The following CHRM3 variants were observed in gnomAD, a reference collection of about 807,000 sequenced individuals.
CHRM3 encodes the protein muscarinic acetylcholine receptor M3.
A neutral mutation model predicts 41.8 loss-of-function variants in CHRM3; 11 were observed. That is an observed-to-expected ratio of 0.26 (90% CI 0.17 to 0.44). The LOEUF (loss-of-function observed/expected upper bound fraction) is 0.44. Among genes scored for constraint, CHRM3 ranks in the 20% least tolerant of loss-of-function variants. The pLI is 1.00. For synonymous variants in CHRM3, 297 were observed against 301.4 expected, an observed-to-expected ratio of 0.99 and a Z score of 0.15; for missense variants, 571 against 745.4, an observed-to-expected ratio of 0.77 and a Z score of 2.72.
intron 5 of CHRM3, among the ~76,000 whole-genome samples, chr1:239,789,728 C>G (rs1461417740): frequency 1.3e-5 from 2 of 152,192 alleles, no homozygotes; most frequent in African/African-American, 4.8e-5. Context: ...GGGGTCCACC[C>G]CTATGACCCA....
chr1:239,628,454 TC>T (rs1383014599), intron 3 of CHRM3, among the ~76,000 whole-genome samples: 1 of 35,874 alleles, frequency 2.8e-5, no homozygotes, highest in Non-Finnish European at 4.3e-5. Flanking sequence ...TTGAATGTCC[TC>T]CCGTAGCTCA....
In CHRM3 at chr1:239,822,831, G is replaced by A. The variant is rs1490923901; in HGVS notation, c.-146-4421G>A. ...TGCCTTTGTGGAGCTTAGGCAATTT[G>A]CAACGTTTGCATCATTACCCAAGTA... On this transcript the variant is annotated intron_variant, in intron 5 of 6. Transcript: ENST00000676153. Among the ~76,000 whole-genome samples the A allele has an allele frequency of 2.6e-5, 4 of 152,166 alleles. No individual in the cohort carries two copies. In the East Asian group the frequency reaches 7.7e-4, roughly 29 times the overall value.
chr1:239,845,017 T>C (rs1243588826), intron 6 of CHRM3, among the ~76,000 whole-genome samples: 1 of 152,194 alleles, frequency 6.6e-6, no homozygotes, highest in Admixed American at 6.5e-5. Context: ...TTCATCTGCC[T>C]TGACAGGACT....
chr1:239,631,849 G>A (rs565695812), intron 3 of CHRM3, among the ~76,000 whole-genome samples: 3 of 152,338 alleles, frequency 2.0e-5, no homozygotes, highest in South Asian at 2.1e-4. Context: ...AATTTGCTAA[G>A]AGAAGAAAGG....
intron 1 of CHRM3, among the ~76,000 whole-genome samples, chr1:239,486,598 C>T (rs1667197606): frequency 6.6e-6 from 1 of 152,160 alleles, no homozygotes; most frequent in South Asian, 2.1e-4. Flanking sequence ...AACTACTCAC[C>T]TCTGTGGTTG....
At chr1:239,419,772 C>A (rs1441177407) in intron 1 of CHRM3, among the ~76,000 whole-genome samples, 1 of 152,210 alleles carries the variant, frequency 6.6e-6, no homozygotes. Flanking sequence ...AAAATACCTT[C>A]AGCCTTTTCC....
chr1:239,529,958 C>T lies in CHRM3; in HGVS notation c.-421-15683C>T, dbSNP rs574966598. On this transcript the variant is annotated intron_variant, in intron 2 of 6. Coordinates refer to ENST00000676153, the MANE Select transcript of CHRM3 (RefSeq NM_001375978.1). ...TGTCGCCCAGGCTGGAGTGCAGTGGCGCGATCTCGGCTCACTGCAAGCTCC... is the reference window on the plus strand; with the variant it reads ...TGTCGCCCAGGCTGGAGTGCAGTGGTGCGATCTCGGCTCACTGCAAGCTCC... 1.7e-4 allele frequency among the ~76,000 whole-genome samples: 26 copies of T among 152,056 alleles called. No homozygotes were observed. In the South Asian group the frequency reaches 3.5e-3, roughly 21 times the overall value.
intron 3 of CHRM3, among the ~76,000 whole-genome samples, chr1:239,565,919 T>C (rs1308916063): frequency 6.7e-6 from 1 of 148,350 alleles, no homozygotes; most frequent in African/African-American, 2.5e-5. Flanking sequence ...TCTTTTTTTT[T>C]TTTTTTTTTT....
intron 1 of CHRM3, among the ~76,000 whole-genome samples, chr1:239,439,798 G>A (rs1203232182): frequency 6.6e-6 from 1 of 152,174 alleles, no homozygotes; most frequent in Non-Finnish European, 1.5e-5. Flanking sequence ...GTAAGGTGGG[G>A]AGCAATAGGT....
At chr1:239,388,550 T>C (rs1658739824) in intron 1 of CHRM3, among the ~76,000 whole-genome samples, 1 of 152,244 alleles carries the variant, frequency 6.6e-6, no homozygotes. Flanking sequence ...ACAATGCCCA[T>C]GTATTTACTT....
chr1:239,451,666 T>C (rs1193885783), intron 1 of CHRM3, among the ~76,000 whole-genome samples: 2 of 152,310 alleles, frequency 1.3e-5, no homozygotes, highest in Middle Eastern at 3.4e-3. Flanking sequence ...TTTAATAAGA[T>C]ATTTTAAATA....
intron 1 of CHRM3, among the ~76,000 whole-genome samples, chr1:239,419,037 C>T (rs188095527): frequency 6.0e-4 from 91 of 152,222 alleles, no homozygotes; most frequent in Non-Finnish European, 1.1e-3. Context: ...TGTGCTGAGA[C>T]GCCCTGGTAG....
chr1:239,911,269 TC>T lies in CHRM3; in HGVS notation c.*2046del, dbSNP rs1680354003. 6.0e-6 allele frequency: 1 copy of T among 166,012 alleles called. No homozygotes were observed. The highest frequency in any genetic ancestry group is 1.5e-5 in the Non-Finnish European group (1 of 67,876). The allele number at this position is 166,012 out of a possible 1,614,324, so 10.3% of individuals were successfully genotyped here. A position where few individuals can be genotyped will look rare whatever the true frequency, so the allele number is the denominator to read the frequency against. ...TTTACACAGGGAAAAAAAAAAACAA[TC>T]AGCATAATTGTAAGAATGATTTTTT... On this transcript the variant is annotated 3_prime_UTR_variant, in exon 7 of 7. Transcript: ENST00000676153.
Position 239,872,024 on chromosome 1 carries a change from G to A in CHRM3, c.-19-35409G>A, listed in dbSNP as rs192885434. The stretch of plus-strand genomic sequence containing the variant: ...AAAAATAATTGGCCCGTCATTGTTC[G>A]AATAAACTTTGTAAGAAAGCTAACA... On this transcript the variant is annotated intron_variant, in intron 6 of 6. Transcript: ENST00000676153. Among the ~76,000 whole-genome samples, 11 of 152,224 alleles carry A rather than the reference G, an allele frequency of 7.2e-5. No individual in the cohort carries two copies. The East Asian group carries it at 1.2e-3, about 16-fold the overall frequency.
At chr1:239,548,463 A>G (rs1659499146) in intron 3 of CHRM3, among the ~76,000 whole-genome samples, 1 of 152,200 alleles carries the variant, frequency 6.6e-6, no homozygotes, top group Non-Finnish European at 1.5e-5. Context: ...GACTTATCTG[A>G]CTTGCTTATA....
chr1:239,676,370 A>G (rs1658006096), intron 4 of CHRM3, among the ~76,000 whole-genome samples: 1 of 152,094 alleles, frequency 6.6e-6, no homozygotes, highest in Non-Finnish European at 1.5e-5. Flanking sequence ...AGAGAAGTCT[A>G]TTATTGAAAC....
rs1054696951 is a variant in CHRM3 at position 239,739,325 on chromosome 1, A to C, written c.-147+61037A>C. ...CTATTAATAGGAGCTCAGGACTTAC[A>C]CTTGTATTGCCCTTTTCACAAAAGA... On this transcript the variant is annotated intron_variant, in intron 5 of 6. Transcript: ENST00000676153. Among the ~76,000 whole-genome samples the C allele has an allele frequency of 2.6e-5, 4 of 152,236 alleles. No individual in the cohort carries two copies. The South Asian group carries it at 8.3e-4, about 32-fold the overall frequency.
At chr1:239,832,771 G>A (rs1220277598) in intron 6 of CHRM3, among the ~76,000 whole-genome samples, 1 of 151,778 alleles carries the variant, frequency 6.6e-6, no homozygotes, top group East Asian at 1.9e-4. Context: ...TGTGATAAAG[G>A]ATTCATTTTC....
chr1:239,413,295 T>G (rs1374958945), intron 1 of CHRM3, among the ~76,000 whole-genome samples: 1 of 152,026 alleles, frequency 6.6e-6, no homozygotes, highest in African/African-American at 2.4e-5. Context: ...ATTTATTTAT[T>G]TATTTATTTA....
Sources: allele counts gnomAD v4.1 joint callset (sites outside exome capture counted in the v4.1 genomes callset), GRCh38; gene constraint gnomAD v4.1.1; transcripts MANE v1.5; gene names NCBI Gene and HGNC (gene_info 2026-07-23, HGNC 2026-07-21).